DNM1L: variants seen among roughly 807,000 people sequenced by gnomAD.
The protein encoded by DNM1L is dynamin 1L, also known as dynamin-1-like protein.
Under a neutral mutation model 92.8 loss-of-function variants are expected in DNM1L, and 33 were observed. The ratio of observed to expected loss-of-function variants is 0.36; its 90% CI spans 0.27 to 0.48. The LOEUF (loss-of-function observed/expected upper bound fraction) is 0.48. Ranked by LOEUF, DNM1L falls within the 20% of genes least tolerant of loss-of-function variation. DNM1L has a pLI of 0.99. For missense variants in DNM1L, 485 were observed against 888.8 expected (o/e 0.55, Z 5.78); for synonymous variants, 284 against 305.0 (o/e 0.93, Z 0.72).
At chr12:32,705,738 G>A in intron 2 of DNM1L, 1 of 1,212,856 alleles carries the variant, frequency 8.2e-7, no homozygotes, top group South Asian at 1.3e-5. Flanking sequence ...ATGTGATCAG[G>A]TTTCTGCACA....
chr12:32,721,728 C>G (rs1200295042), intron 8 of DNM1L, among the ~76,000 whole-genome samples: 1 of 152,052 alleles, frequency 6.6e-6, no homozygotes, highest in Non-Finnish European at 1.5e-5. Flanking sequence ...AGGGTTCAGT[C>G]CCACAAGACT....
At chr12:32,693,834 C>T (rs1481438568) in intron 1 of DNM1L, among the ~76,000 whole-genome samples, 1 of 152,056 alleles carries the variant, frequency 6.6e-6, no homozygotes, top group Admixed American at 6.6e-5. Flanking sequence ...GATGAGGTTT[C>T]ACCATGTTGC....
intron 1 of DNM1L, among the ~76,000 whole-genome samples, chr12:32,696,634 C>CT (rs5797486): frequency 0.14 from 21,073 of 146,874 alleles, 1,522 homozygotes; most frequent in Middle Eastern, 0.21. Context: ...AGATTACTGT[C>CT]TTTTTTTTTT....
intron 18 of DNM1L, 144 bp downstream of exon 18, chr12:32,740,662 G>A: frequency 1.4e-6 from 1 of 706,596 alleles, no homozygotes; most frequent in African/African-American, 1.8e-5. Context: ...TGGGTAACTT[G>A]TAGCAAGACC....
intron 1 of DNM1L, among the ~76,000 whole-genome samples, chr12:32,694,253 T>C (rs1952343825): frequency 6.6e-6 from 1 of 152,078 alleles, no homozygotes; most frequent in African/African-American, 2.4e-5. Context: ...GCCCGTGTAA[T>C]TTTTGTATTT....
At position 32,732,027 on chromosome 12, in the gene DNM1L, A is replaced by G. The variant is rs1215273939; in HGVS notation, c.1446+84A>G. Reference sequence around the variant, plus strand: ...TTGGCTGCTTTTTAATAAGCATTATATGGTTACTTTAGAGTGTAGGCATAA... The same window carrying G: ...TTGGCTGCTTTTTAATAAGCATTATGTGGTTACTTTAGAGTGTAGGCATAA... On this transcript the variant is annotated intron_variant, in intron 12 of 19. Coordinates refer to ENST00000549701, the MANE Select transcript of DNM1L (RefSeq NM_012062.5). The G allele has an allele frequency of 4.0e-6, 4 of 989,260 alleles. No homozygotes were observed. In the East Asian group the frequency reaches 7.2e-5, roughly 18 times the overall value. The allele number at this position is 989,260 out of a possible 1,614,324, so 61.3% of individuals were successfully genotyped here. A position where few individuals can be genotyped will look rare whatever the true frequency, so the allele number is the denominator to read the frequency against.
In DNM1L at chr12:32,717,364, TAA is replaced by T. The variant is rs375816283; in HGVS notation, c.620-1278_620-1277del. 2.6e-4 allele frequency among the ~76,000 whole-genome samples: 19 copies of T among 74,056 alleles called. 1 individual carries two copies. Among genetic ancestry groups the T allele is most frequent in the African/African-American group, 6.9e-4 (12 of 17,274 alleles). 48.6% of individuals were successfully genotyped at this position (74,056 alleles called of 152,430 possible). ...TACTATATATTATATATAGTATATA[TAA>T]TATATATACTATATATAATATATAG... is the stretch of plus-strand genomic sequence containing the variant. On this transcript the variant is annotated intron_variant, in intron 6 of 19. Transcript: ENST00000549701.
At position 32,742,584 on chromosome 12, in the gene DNM1L, T is replaced by C; in HGVS notation, c.1995-5T>C. The C allele has an allele frequency of 6.2e-7, 1 of 1,614,106 alleles. No individual in the cohort carries two copies. The highest frequency in any genetic ancestry group is 8.5e-7 in the Non-Finnish European group (1 of 1,179,986). On this transcript the variant is annotated splice_polypyrimidine_tract_variant and splice_region_variant and intron_variant, in intron 18 of 19. Coordinates refer to ENST00000549701, the MANE Select transcript of DNM1L (RefSeq NM_012062.5). Reference sequence around the variant, plus strand: ...AAAATTCCATAATTTGGTTGTGTTTTGCAGTGTGCCAAAGGCAGTAATGCA... The same window carrying C: ...AAAATTCCATAATTTGGTTGTGTTTCGCAGTGTGCCAAAGGCAGTAATGCA...
chr12:32,696,529 A>G (rs969215335), intron 1 of DNM1L, among the ~76,000 whole-genome samples: 2 of 151,778 alleles, frequency 1.3e-5, no homozygotes, highest in African/African-American at 4.8e-5. Flanking sequence ...GAGCCCAGGA[A>G]TTGGAGGCTG....
In DNM1L at chr12:32,717,944, A is replaced by T. The variant is rs1248756922; in HGVS notation, c.620-699A>T. Among the ~76,000 whole-genome samples, 7 of 90,202 alleles carry T rather than the reference A, an allele frequency of 7.8e-5. No homozygotes were observed. The East Asian group carries it at 1.2e-3, about 16-fold the overall frequency. 59.2% of individuals were successfully genotyped at this position (90,202 alleles called of 152,430 possible). A position where few individuals can be genotyped will look rare whatever the true frequency, so the allele number is the denominator to read the frequency against. On this transcript the variant is annotated intron_variant, in intron 6 of 19. Coordinates refer to ENST00000549701, the MANE Select transcript of DNM1L (RefSeq NM_012062.5). The stretch of plus-strand genomic sequence containing the variant: ...TAGTATATATTTTATATATATATAA[A>T]ATATAGTATATATAGTATATATATT...
Position 32,731,803 on chromosome 12 carries a change from TAAAA to T in DNM1L, c.1357-44_1357-41del, listed in dbSNP as rs371431671. 8.5e-7 allele frequency: 1 copy of T among 1,174,024 alleles called. No individual in the cohort carries two copies. Among genetic ancestry groups the T allele is most frequent in the South Asian group, 1.4e-5 (1 of 73,252 alleles). 72.7% of individuals were successfully genotyped at this position (1,174,024 alleles called of 1,614,324 possible). A position where few individuals can be genotyped will look rare whatever the true frequency, so the allele number is the denominator to read the frequency against. On this transcript the variant is annotated intron_variant, in intron 11 of 19. Coordinates refer to ENST00000549701, the MANE Select transcript of DNM1L (RefSeq NM_012062.5). This position sits in a 1 kb window ranked among gnomAD's most constrained non-coding sequence, Gnocchi z 5.1. ...AGGATGGCTTAGTGAGACTATGACTTAAAAAAAAAACAAAAAACAAACACGTTTT... is the reference window on the plus strand; with the variant it reads ...AGGATGGCTTAGTGAGACTATGACTTAAAAAACAAAAAACAAACACGTTTT...
intron 6 of DNM1L, among the ~76,000 whole-genome samples, chr12:32,717,117 AT>A (rs1239038877): frequency 8.4e-6 from 1 of 118,804 alleles, no homozygotes; most frequent in African/African-American, 3.3e-5. Flanking sequence ...ATTTATATAT[AT>A]TTTATATATA....
intron 19 of DNM1L, 105 bp from the exon 20 acceptor site, chr12:32,743,249 A>G: frequency 3.1e-6 from 3 of 967,920 alleles, no homozygotes; most frequent in Non-Finnish European, 4.8e-6. Context: ...TAAACTGGTT[A>G]GTTATAAACC....
intron 1 of DNM1L, among the ~76,000 whole-genome samples, chr12:32,695,619 A>G (rs1427669300): frequency 3.3e-5 from 5 of 151,984 alleles, no homozygotes; most frequent in African/African-American, 1.2e-4. Context: ...AAAAATAGAA[A>G]AATTAGCTGG....
chr12:32,722,779 TG>T, intron 9 of DNM1L, 146 bp downstream of exon 9: 1 of 606,954 alleles, frequency 1.6e-6, no homozygotes, highest in South Asian at 2.2e-5. Flanking sequence ...AATAGGATGA[TG>T]TCTGGTTGTG....
chr12:32,687,123 G>A (rs1319456126), intron 1 of DNM1L, among the ~76,000 whole-genome samples: 5 of 151,462 alleles, frequency 3.3e-5, no homozygotes, highest in Non-Finnish European at 7.4e-5. Flanking sequence ...ATACACAAAA[G>A]GTTTTACTTT....
intron 1 of DNM1L, among the ~76,000 whole-genome samples, chr12:32,700,267 G>A (rs780780830): frequency 3.9e-5 from 6 of 151,928 alleles, no homozygotes; most frequent in African/African-American, 7.2e-5. Context: ...TTACAGGCGC[G>A]TGCCACCACA....
chr12:32,697,197 C>G lies in DNM1L; in HGVS notation c.103-4218C>G, dbSNP rs959763225. On this transcript the variant is annotated intron_variant, in intron 1 of 19. Coordinates refer to ENST00000549701, the MANE Select transcript of DNM1L (RefSeq NM_012062.5). ...TGAGCCACGATTATGCCATTGCACT[C>G]CAGCCTAGGTGATAGAGCGAGACTC... is the stretch of plus-strand genomic sequence containing the variant. Among the ~76,000 whole-genome samples the G allele has an allele frequency of 2.0e-5, 3 of 151,848 alleles. 1 individual carries two copies. In the South Asian group the frequency reaches 6.2e-4, roughly 32 times the overall value.
chr12:32,715,272 T>C (rs1417558001), intron 6 of DNM1L, among the ~76,000 whole-genome samples: 1 of 151,992 alleles, frequency 6.6e-6, no homozygotes, highest in Admixed American at 6.6e-5. Flanking sequence ...TTACTAATCA[T>C]AATCTAGTAA....
Sources: gnomAD v4.1 joint callset for allele counts (sites outside exome capture counted in the v4.1 genomes callset) on GRCh38, gnomAD v4.1.1 for gene constraint, Gnocchi (gnomAD v3.1) non-coding constraint, MANE v1.5 for transcripts, NCBI Gene and HGNC (gene_info 2026-07-23, HGNC 2026-07-21) for gene names.